The following DERA variants were observed in gnomAD, a reference collection of about 807,000 sequenced individuals.
DERA encodes the protein deoxyribose-phosphate aldolase.
DERA carries 15 observed loss-of-function variants against 41.1 expected under a neutral mutation model. The ratio of observed to expected loss-of-function variants is 0.37; its 90% CI spans 0.24 to 0.56. The LOEUF (loss-of-function observed/expected upper bound fraction) is 0.56. Ranked by LOEUF, DERA falls within the 20% of genes least tolerant of loss-of-function variation. DERA has a pLI of 0.81. For synonymous variants in DERA, 139 were observed against 137.4 expected, an observed-to-expected ratio of 1.01 and a Z score of -0.08; for missense variants, 396 against 403.4, an observed-to-expected ratio of 0.98 and a Z score of 0.16.
At position 16,029,315 on chromosome 12, in the gene DERA, C is replaced by G. The variant is rs199826055; in HGVS notation, c.638-3227C>G. Among the ~76,000 whole-genome samples the G allele has an allele frequency of 4.6e-5, 7 of 151,868 alleles. No homozygotes were observed. In the South Asian group the frequency reaches 1.2e-3, roughly 27 times the overall value. ...GCGGGCGCCTGTAGTCCCAGCTACT[C>G]GGGAGGCTGAGGCAGGAGAATGGCG... On this transcript the variant is annotated intron_variant, in intron 6 of 8. Transcript: ENST00000428559.
chr12:16,006,185 A>G (rs1302225523), intron 6 of DERA, among the ~76,000 whole-genome samples: 1 of 152,226 alleles, frequency 6.6e-6, no homozygotes, highest in African/African-American at 2.4e-5. Flanking sequence ...CTGAGACTGT[A>G]GGTGACAATC....
intron 1 of DERA, among the ~76,000 whole-genome samples, chr12:15,944,742 C>T (rs1031570542): frequency 4.5e-4 from 68 of 152,276 alleles, no homozygotes; most frequent in African/African-American, 1.6e-3. Flanking sequence ...AATTAGATCC[C>T]ATTTGTCAAT....
chr12:15,987,445 C>T (rs781300689), intron 6 of DERA, among the ~76,000 whole-genome samples: 97 of 151,768 alleles, frequency 6.4e-4, no homozygotes, highest in Admixed American at 1.1e-3. Flanking sequence ...CCATATTGGC[C>T]GGGTTGGTCT....
At chr12:15,939,102 C>T (rs1304502957) in intron 1 of DERA, among the ~76,000 whole-genome samples, 1 of 152,152 alleles carries the variant, frequency 6.6e-6, no homozygotes, top group East Asian at 1.9e-4. Context: ...TTAAGAAATT[C>T]AGCTACCTTG....
chr12:15,912,672 G>A (rs1948173134), intron 1 of DERA, among the ~76,000 whole-genome samples: 1 of 152,124 alleles, frequency 6.6e-6, no homozygotes, highest in Admixed American at 6.5e-5. Context: ...AGTATAGATA[G>A]TATTAGTATA....
In DERA at chr12:16,009,799, AAG is replaced by A. The variant is rs1468676425; in HGVS notation, c.638-22742_638-22741del. The stretch of plus-strand genomic sequence containing the variant: ...GGGGAGGAAATAAATGCCACACTCA[AAG>A]CAATTATACAGGAAGTATTAAAGAT... On this transcript the variant is annotated intron_variant, in intron 6 of 8. Coordinates refer to ENST00000428559, the MANE Select transcript of DERA (RefSeq NM_015954.4). The surrounding 1 kb of genome is among the most constrained non-coding windows in gnomAD (Gnocchi z 5.3). Among the ~76,000 whole-genome samples, 1 of 152,228 alleles carries A rather than the reference AAG, an allele frequency of 6.6e-6. No individual in the cohort carries two copies. Among genetic ancestry groups the A allele is most frequent in the Admixed American group, 6.5e-5 (1 of 15,280 alleles).
At chr12:15,975,924 C>T (rs558890407) in intron 5 of DERA, among the ~76,000 whole-genome samples, 125 of 152,162 alleles carry the variant, frequency 8.2e-4, no homozygotes, top group Non-Finnish European at 1.6e-3. Context: ...TATTTAGAAA[C>T]CAAGATCTGG....
At position 15,981,264 on chromosome 12, in the gene DERA, C is replaced by T. The variant is rs113699384; in HGVS notation, c.509-1044C>T. ...TCGGGAGGCTGAGGCAGGAGAATGG[C>T]GTGAACCCCAGAGGCGGAGGTTGCA... On this transcript the variant is annotated intron_variant, in intron 5 of 8. Transcript: ENST00000428559. The surrounding 1 kb of genome is among the most constrained non-coding windows in gnomAD (Gnocchi z 6.1). Among the ~76,000 whole-genome samples the T allele has an allele frequency of 1.1e-4, 17 of 152,246 alleles. 1 individual carries two copies. The highest frequency in any genetic ancestry group is 4.1e-4 in the African/African-American group (17 of 41,564).
chr12:15,987,896 A>T (rs1353257837), intron 6 of DERA, among the ~76,000 whole-genome samples: 1 of 152,040 alleles, frequency 6.6e-6, no homozygotes, highest in African/African-American at 2.4e-5. Flanking sequence ...CCAGGCGCGG[A>T]GTGGCAAGGG....
intron 5 of DERA, among the ~76,000 whole-genome samples, chr12:15,978,799 A>G (rs1225136150): frequency 6.6e-6 from 1 of 152,224 alleles, no homozygotes; most frequent in Non-Finnish European, 1.5e-5. Context: ...GCACTGAATA[A>G]TAACAGGAAC....
At chr12:15,923,004 G>GT in intron 1 of DERA, among the ~76,000 whole-genome samples, 1 of 146,320 alleles carries the variant, frequency 6.8e-6, no homozygotes, top group South Asian at 2.2e-4. Flanking sequence ...AAAAATAGTG[G>GT]TTTTTGTTTT....
intron 1 of DERA, among the ~76,000 whole-genome samples, chr12:15,919,501 G>C (rs1948225898): frequency 6.6e-6 from 1 of 152,174 alleles, no homozygotes; most frequent in African/African-American, 2.4e-5. Flanking sequence ...CTTGAAATGT[G>C]TTCATCTTTT....
rs1411059410 is a variant in DERA at position 15,989,946 on chromosome 12, G to C, written c.637+7510G>C. Among the ~76,000 whole-genome samples, 1 of 152,136 alleles carries C rather than the reference G, an allele frequency of 6.6e-6. No homozygotes were observed. Among genetic ancestry groups the C allele is most frequent in the Non-Finnish European group, 1.5e-5 (1 of 68,004 alleles). On this transcript the variant is annotated intron_variant, in intron 6 of 8. Coordinates refer to ENST00000428559, the MANE Select transcript of DERA (RefSeq NM_015954.4). This position sits in a 1 kb window ranked among gnomAD's most constrained non-coding sequence, Gnocchi z 5.2. The stretch of plus-strand genomic sequence containing the variant: ...TTTAGAGCAAGGAACACAGTCAGAA[G>C]ACCAGAACTCTTGTTCTGTCTTGCA...
At chr12:16,032,866 A>T in intron 7 of DERA, 1 of 499,618 alleles carries the variant, frequency 2.0e-6, no homozygotes, top group Non-Finnish European at 3.5e-6. Flanking sequence ...GGGAGTGAGT[A>T]TGTGTGATCA....
intron 6 of DERA, among the ~76,000 whole-genome samples, chr12:16,031,137 G>T (rs1268515736): frequency 6.6e-6 from 1 of 152,198 alleles, no homozygotes; most frequent in Non-Finnish European, 1.5e-5. Flanking sequence ...GGAATGTAAG[G>T]GGATGGAATT....
intron 1 of DERA, among the ~76,000 whole-genome samples, chr12:15,952,351 A>C (rs1274184069): frequency 2.0e-5 from 3 of 152,170 alleles, no homozygotes; most frequent in Non-Finnish European, 4.4e-5. Context: ...ACGTATTTCC[A>C]TGGGACATAT....
At chr12:16,015,013 A>G (rs899223542) in intron 6 of DERA, among the ~76,000 whole-genome samples, 1 of 152,122 alleles carries the variant, frequency 6.6e-6, no homozygotes, top group African/African-American at 2.4e-5. Context: ...ATTTAGAACA[A>G]TTGTATTTAC....
chr12:15,973,028 G>A (rs972826549), intron 5 of DERA, among the ~76,000 whole-genome samples: 3 of 151,952 alleles, frequency 2.0e-5, no homozygotes, highest in African/African-American at 7.3e-5. Flanking sequence ...CATTGTGGCC[G>A]AGTGCTCTGA....
At chr12:15,950,765 A>G (rs1251257271) in intron 1 of DERA, among the ~76,000 whole-genome samples, 1 of 152,106 alleles carries the variant, frequency 6.6e-6, no homozygotes, top group African/African-American at 2.4e-5. Flanking sequence ...ATAACTTTTC[A>G]TTGTAGCTCA....
Sources: gnomAD v4.1 joint callset for allele counts (sites outside exome capture counted in the v4.1 genomes callset) on GRCh38, gnomAD v4.1.1 for gene constraint, Gnocchi (gnomAD v3.1) non-coding constraint, MANE v1.5 for transcripts, NCBI Gene and HGNC (gene_info 2026-07-23, HGNC 2026-07-21) for gene names.